Variants in SOCS2 observed in about 807,000 individuals in gnomAD.
SOCS2 encodes suppressor of cytokine signaling 2, also known as CIS-2.
In SOCS2, 10 loss-of-function variants were observed where a neutral mutation model predicts 18.6. The observed-to-expected ratio is 0.54, with a 90% CI of 0.33 to 0.91. The LOEUF is 0.91. SOCS2 is among the 40% of genes least tolerant of loss of function. The pLI is 0.02. For synonymous variants in SOCS2, 104 were observed against 104.0 expected, an observed-to-expected ratio of 1.00 and a Z score of 0.00; for missense variants, 231 against 247.2, an observed-to-expected ratio of 0.93 and a Z score of 0.44.
the SOCS2 span, among the ~76,000 whole-genome samples, chr12:93,612,645 G>A: frequency 0.015 from 2,316 of 152,238 alleles, 69 homozygotes; most frequent in African/African-American, 0.053. Flanking sequence ...CCCAACATAG[G>A]GAGGAATTGT....
the SOCS2 span, among the ~76,000 whole-genome samples, chr12:93,616,794 C>G: frequency 6.6e-6 from 1 of 152,112 alleles, no homozygotes; most frequent in Non-Finnish European, 1.5e-5. Flanking sequence ...CTGTTTTAAC[C>G]CTGGCAGTCT....
the SOCS2 span, among the ~76,000 whole-genome samples, chr12:93,619,555 G>A: frequency 9.2e-5 from 14 of 152,318 alleles, 1 homozygote; most frequent in East Asian, 2.7e-3. Context: ...AGCTCCTAGT[G>A]GGTGCCATGT....
At chr12:93,619,218 G>A in the SOCS2 span, among the ~76,000 whole-genome samples, 1 of 152,192 alleles carries the variant, frequency 6.6e-6, no homozygotes, top group African/African-American at 2.4e-5. Context: ...GACAAGCGGT[G>A]ACTGGGTAAG....
At chr12:93,570,964 G>GGAGGGAGGCGGGGAGC (rs1391846827), upstream of SOCS2, 1 of 153,734 alleles carries the variant, frequency 6.5e-6, no homozygotes, top group African/African-American at 2.4e-5. Flanking sequence ...CGCTGACTGG[G>GGAGGGAGGCGGGGAGC]GAGGGAGGCG....
chr12:93,618,170 G>A, the SOCS2 span, among the ~76,000 whole-genome samples: 583 of 152,096 alleles, frequency 3.8e-3, 3 homozygotes, highest in Non-Finnish European at 6.4e-3. Flanking sequence ...TTTGCCTTCC[G>A]CCATGATTGT....
chr12:93,610,337 C>A, the SOCS2 span, among the ~76,000 whole-genome samples: 12 of 152,264 alleles, frequency 7.9e-5, no homozygotes, highest in Admixed American at 3.3e-4. Context: ...GATGGTTGGT[C>A]ACTCTGCCTG....
upstream of SOCS2, chr12:93,571,870 C>T: frequency 2.4e-6 from 1 of 418,560 alleles, no homozygotes; most frequent in South Asian, 1.6e-5. Flanking sequence ...GCTGAGGAGG[C>T]TGCCTGGTGC....
downstream of SOCS2, among the ~76,000 whole-genome samples, chr12:93,580,414 G>C (rs908433905): frequency 1.2e-4 from 19 of 152,030 alleles, no homozygotes; most frequent in Non-Finnish European, 2.5e-4. Context: ...TTGAGGTCAG[G>C]AGTTCGAGCC....
downstream of SOCS2, among the ~76,000 whole-genome samples, chr12:93,577,540 G>A (rs545711357): frequency 1.5e-4 from 23 of 149,914 alleles, no homozygotes; most frequent in South Asian, 1.9e-3. Flanking sequence ...TTTTTCCCCC[G>A]GGAGAGGAAT....
At chr12:93,599,490 C>A in the SOCS2 span, among the ~76,000 whole-genome samples, 29,431 of 152,036 alleles carry the variant, frequency 0.19, 3,149 homozygotes, top group East Asian at 0.35. Context: ...TATAGGATTT[C>A]TTTACATATT....
chr12:93,590,819 A>G, the SOCS2 span, among the ~76,000 whole-genome samples: 1 of 144,962 alleles, frequency 6.9e-6, no homozygotes, highest in Non-Finnish European at 1.5e-5. Flanking sequence ...AAAAAAAAAA[A>G]AAAGTTAGCT....
At chr12:93,618,427 A>G in the SOCS2 span, among the ~76,000 whole-genome samples, 1 of 151,998 alleles carries the variant, frequency 6.6e-6, no homozygotes, top group African/African-American at 2.4e-5. Flanking sequence ...AGACTTCCTG[A>G]CACTCTTAAA....
At chr12:93,571,090 T>C (rs1954235095), upstream of SOCS2, 1 of 153,988 alleles carries the variant, frequency 6.5e-6, no homozygotes, top group Non-Finnish European at 1.5e-5. Context: ...GCCTTGGGCT[T>C]CCCCTGAAGC....
At position 93,575,341 on chromosome 12, in the gene SOCS2, G is replaced by A. The variant is rs920308469; in HGVS notation, c.*162G>A. ...TTTAACAGCTTGAAGAGGTAGCTAG[G>A]TGTTTAAAGTTCCTCCAGATACTTT... On this transcript the variant is annotated 3_prime_UTR_variant, in exon 2 of 2. Coordinates refer to ENST00000551556, the MANE Select transcript of SOCS2 (RefSeq NM_001270471.2). 2.1e-5 allele frequency: 10 copies of A among 479,220 alleles called. No homozygotes were observed. Among genetic ancestry groups the A allele is most frequent in the Admixed American group, 7.7e-5 (2 of 25,812 alleles). The allele number at this position is 479,220 out of a possible 1,614,324, so 29.7% of individuals were successfully genotyped here. A position where few individuals can be genotyped will look rare whatever the true frequency, so the allele number is the denominator to read the frequency against.
the SOCS2 span, among the ~76,000 whole-genome samples, chr12:93,614,889 C>T: frequency 6.7e-6 from 1 of 150,082 alleles, no homozygotes; most frequent in African/African-American, 2.5e-5. Flanking sequence ...GTTGGGATTA[C>T]AGGCATGAGC....
downstream of SOCS2, among the ~76,000 whole-genome samples, chr12:93,586,684 T>C (rs1471636960): frequency 6.6e-6 from 1 of 152,260 alleles, no homozygotes; most frequent in Non-Finnish European, 1.5e-5. Flanking sequence ...TTCAGTTTTT[T>C]TTCATTTCAG....
At chr12:93,601,180 A>G in the SOCS2 span, among the ~76,000 whole-genome samples, 1 of 148,598 alleles carries the variant, frequency 6.7e-6, no homozygotes, top group Non-Finnish European at 1.5e-5. Context: ...ATTTTTGGAT[A>G]TTCATTTGTA....
upstream of SOCS2, chr12:93,570,326 G>C (rs1337245625): frequency 6.5e-6 from 1 of 152,716 alleles, no homozygotes; most frequent in Non-Finnish European, 1.5e-5. Flanking sequence ...GAGCCGGAGC[G>C]CCAGGGGGAG....
chr12:93,619,039 C>A, the SOCS2 span, among the ~76,000 whole-genome samples: 28 of 152,144 alleles, frequency 1.8e-4, no homozygotes, highest in Non-Finnish European at 3.1e-4. Context: ...GGTACAGAAA[C>A]GTGGGCAGGG....
Sources: gnomAD v4.1 joint callset for allele counts (sites outside exome capture counted in the v4.1 genomes callset) on GRCh38, gnomAD v4.1.1 for gene constraint, MANE v1.5 for transcripts, NCBI Gene and HGNC (gene_info 2026-07-23, HGNC 2026-07-21) for gene names.